MYO3B: variants seen among roughly 807,000 people sequenced by gnomAD.
The protein encoded by MYO3B is myosin-IIIb.
MYO3B carries 156 observed loss-of-function variants against 174.6 expected under a neutral mutation model. That is an observed-to-expected ratio of 0.89 (90% CI 0.78 to 1.02). The LOEUF (loss-of-function observed/expected upper bound fraction) is 1.02. Ranked by LOEUF, MYO3B falls within the 50% of genes least tolerant of loss-of-function variation. The pLI is 0.00. For synonymous variants in MYO3B, 563 were observed against 569.1 expected (o/e 0.99, Z 0.15); for missense variants, 1,632 against 1,639.4 (o/e 1.00, Z 0.08).
rs778785217 is a variant in MYO3B, at chr2:170,501,871, T to G, written c.3370+6T>G. ...TGCTGCTCATAATCAAGCAGGTAAT[T>G]AAAACATCATTTTCACAGTGTCCAC... On this transcript the variant is annotated splice_donor_region_variant and intron_variant, in intron 28 of 34. Transcript: ENST00000408978. 12 of 1,584,280 alleles carry G rather than the reference T, an allele frequency of 7.6e-6. No homozygotes were observed. The Admixed American group carries it at 2.0e-4, about 27-fold the overall frequency.
At chr2:170,435,022 T>C (rs1304879891) in intron 22 of MYO3B, among the ~76,000 whole-genome samples, 1 of 152,236 alleles carries the variant, frequency 6.6e-6, no homozygotes, top group Non-Finnish European at 1.5e-5. Flanking sequence ...CCTTGCATTT[T>C]TGTTAGCTAC....
At chr2:170,325,058 G>A (rs2093855608) in intron 7 of MYO3B, among the ~76,000 whole-genome samples, 1 of 152,098 alleles carries the variant, frequency 6.6e-6, no homozygotes, top group Non-Finnish European at 1.5e-5. Flanking sequence ...GGGGGCAGGG[G>A]CTCTTCCAAA....
chr2:170,488,131 T>C (rs1686188402), intron 25 of MYO3B, among the ~76,000 whole-genome samples: 1 of 152,182 alleles, frequency 6.6e-6, no homozygotes, highest in South Asian at 2.1e-4. Flanking sequence ...TAGAGAGCAA[T>C]GGGACTCTCA....
At chr2:170,389,009 T>G (rs1446327217) in intron 14 of MYO3B, among the ~76,000 whole-genome samples, 1 of 152,188 alleles carries the variant, frequency 6.6e-6, no homozygotes, top group Non-Finnish European at 1.5e-5. Flanking sequence ...TCTGACAGAA[T>G]GGAAAGCATA....
chr2:170,466,606 G>A lies in MYO3B; in HGVS notation c.2909G>A (p.Arg970Gln), dbSNP rs35169479. Residue 970 changes from arginine (R) to glutamine (Q), a missense_variant, in exon 25 of 35, where the codon CGA (arginine) becomes CAA (glutamine). By Grantham distance (43) the Arg-to-Gln change is conservative. Transcript: ENST00000408978. ...NDDREALQFS[R>Q]ERVLAQLRST... is the part of the protein sequence containing the mutation. ...GACCGAGAGGCCCTGCAGTTCTCTCGAGAGAGGGTGCTGGCCCAGCTCCGC... is the reference window on the plus strand; with the variant it reads ...GACCGAGAGGCCCTGCAGTTCTCTCAAGAGAGGGTGCTGGCCCAGCTCCGC... 8.0e-4 allele frequency: 1,291 copies of A among 1,614,182 alleles called. 10 individuals carry two copies. In the Middle Eastern group the frequency reaches 0.014, roughly 18 times the overall value.
At chr2:170,624,962 G>C (rs1485577482) in intron 32 of MYO3B, among the ~76,000 whole-genome samples, 1 of 152,166 alleles carries the variant, frequency 6.6e-6, no homozygotes, top group African/African-American at 2.4e-5. Context: ...GCTGGATTCG[G>C]TTTGCCAGTA....
At chr2:170,381,291 A>C (rs990009656) in intron 9 of MYO3B, among the ~76,000 whole-genome samples, 1 of 152,242 alleles carries the variant, frequency 6.6e-6, no homozygotes, top group Admixed American at 6.5e-5. Flanking sequence ...ATAGATAAAT[A>C]GAGTTTAAAA....
At chr2:170,398,429 A>G (rs909909649) in intron 16 of MYO3B, among the ~76,000 whole-genome samples, 8 of 152,214 alleles carry the variant, frequency 5.3e-5, no homozygotes, top group Middle Eastern at 3.4e-3. Context: ...CATTATATTC[A>G]CATGATTGGT....
At chr2:170,445,174 G>A (rs1417967647) in intron 23 of MYO3B, among the ~76,000 whole-genome samples, 1 of 150,932 alleles carries the variant, frequency 6.6e-6, no homozygotes, top group East Asian at 1.9e-4. Context: ...ATTATAGTCA[G>A]TATTTTAAAA....
intron 7 of MYO3B, among the ~76,000 whole-genome samples, chr2:170,246,420 C>T (rs1039294802): frequency 2.0e-5 from 3 of 152,190 alleles, no homozygotes; most frequent in African/African-American, 4.8e-5. Context: ...TTGCAAATAG[C>T]GTCATGTGGA....
At chr2:170,211,505 G>A (rs557390574) in intron 3 of MYO3B, among the ~76,000 whole-genome samples, 5 of 152,060 alleles carry the variant, frequency 3.3e-5, no homozygotes, top group East Asian at 1.9e-4. Flanking sequence ...CACTGTGAGC[G>A]TATGCGGTAT....
chr2:170,575,125 T>A (rs891958985), intron 32 of MYO3B, among the ~76,000 whole-genome samples: 1 of 152,294 alleles, frequency 6.6e-6, no homozygotes, highest in Non-Finnish European at 1.5e-5. Flanking sequence ...AAACCAAGTG[T>A]CCAACAAAAG....
rs565056407 is a variant in MYO3B, at chr2:170,479,102, G to A, written c.3014+12391G>A. 3.5e-4 allele frequency among the ~76,000 whole-genome samples: 53 copies of A among 150,092 alleles called. No individual in the cohort carries two copies. The East Asian group carries it at 9.6e-3, about 27-fold the overall frequency. On this transcript the variant is annotated intron_variant, in intron 25 of 34. Coordinates refer to ENST00000408978, the MANE Select transcript of MYO3B (RefSeq NM_138995.5). ...AGTTCAAGACTAGCCTGGCCAACAT[G>A]GTAAAACCCTGTCTCTACTAAAACT... is the stretch of plus-strand genomic sequence containing the variant.
At chr2:170,183,669 TG>T (rs1291008939) in intron 1 of MYO3B, among the ~76,000 whole-genome samples, 2 of 151,534 alleles carry the variant, frequency 1.3e-5, no homozygotes, top group Non-Finnish European at 3.0e-5. Context: ...TTTATTTCTA[TG>T]TTTTTTTGTC....
intron 3 of MYO3B, among the ~76,000 whole-genome samples, chr2:170,203,516 A>AGGAG (rs2092685594): frequency 5.0e-5 from 1 of 20,180 alleles, no homozygotes; most frequent in African/African-American, 1.6e-4. Flanking sequence ...GGAGGGAGGG[A>AGGAG]GGGAGAAAGA....
intron 7 of MYO3B, among the ~76,000 whole-genome samples, chr2:170,239,911 C>T (rs2093111924): frequency 6.6e-6 from 1 of 151,764 alleles, no homozygotes; most frequent in African/African-American, 2.4e-5. Flanking sequence ...GTCAGCAGGG[C>T]CACACTCCCT....
chr2:170,307,806 T>C (rs920105931), intron 7 of MYO3B, among the ~76,000 whole-genome samples: 1 of 152,188 alleles, frequency 6.6e-6, no homozygotes, highest in Non-Finnish European at 1.5e-5. Flanking sequence ...TGCTTTTAAT[T>C]ACATGCAAAT....
In MYO3B at chr2:170,519,680, G is replaced by A. The variant is rs149044389; in HGVS notation, c.3575+140G>A. 120 of 727,180 alleles carry A rather than the reference G, an allele frequency of 1.7e-4. No individual in the cohort carries two copies. The East Asian group carries it at 3.5e-3, about 21-fold the overall frequency. 45.0% of individuals were successfully genotyped at this position (727,180 alleles called of 1,614,324 possible). A position where few individuals can be genotyped will look rare whatever the true frequency, so the allele number is the denominator to read the frequency against. ...GAACTGGAGAGAGTGGAACCAAAAA[G>A]CGTTTCCAGGGCTGGGCGTGGTGGC... On this transcript the variant is annotated intron_variant, in intron 30 of 34. Coordinates refer to ENST00000408978, the MANE Select transcript of MYO3B (RefSeq NM_138995.5).
intron 32 of MYO3B, among the ~76,000 whole-genome samples, chr2:170,622,978 G>T (rs1184615801): frequency 1.3e-5 from 2 of 152,124 alleles, no homozygotes; most frequent in African/African-American, 4.8e-5. Flanking sequence ...ATCATTGTTG[G>T]ACATTTGGGT....
Sources: allele counts gnomAD v4.1 joint callset (sites outside exome capture counted in the v4.1 genomes callset), GRCh38; gene constraint gnomAD v4.1.1; transcripts MANE v1.5; gene names NCBI Gene and HGNC (gene_info 2026-07-23, HGNC 2026-07-21).